The following KLC1 variants were observed in gnomAD, a reference collection of about 807,000 sequenced individuals.
KLC1 encodes the protein kinesin light chain 1.
KLC1 carries 30 observed loss-of-function variants against 84.2 expected under a neutral mutation model. The ratio of observed to expected loss-of-function variants is 0.36; its 90% CI spans 0.27 to 0.48. The LOEUF is 0.48. KLC1 is among the 20% of genes least tolerant of loss of function. The pLI is 0.99. For synonymous variants in KLC1, 289 were observed against 293.3 expected, an observed-to-expected ratio of 0.99 and a Z score of 0.15; for missense variants, 499 against 805.4, an observed-to-expected ratio of 0.62 and a Z score of 4.60.
intron 7 of KLC1, among the ~76,000 whole-genome samples, chr14:103,672,733 C>A (rs1478726337): frequency 6.6e-6 from 1 of 152,172 alleles, no homozygotes; most frequent in Non-Finnish European, 1.5e-5. Context: ...GTACATAGTA[C>A]AACCAATGTA....
chr14:103,681,610 C>T (rs1267902129), intron 13 of KLC1, among the ~76,000 whole-genome samples: 1 of 152,094 alleles, frequency 6.6e-6, no homozygotes, highest in African/African-American at 2.4e-5. Flanking sequence ...AGGTGTGCGC[C>T]ACCACACCTG....
At position 103,696,181 on chromosome 14, in the gene KLC1, G is replaced by A. The variant is rs181792822; in HGVS notation, c.1848+3756G>A. On this transcript the variant is annotated intron_variant, in intron 15 of 16. Coordinates refer to ENST00000334553, the MANE Select transcript of KLC1 (RefSeq NM_001394837.1). ...CATGGGAGCGTCTGGATCTGTGGGC[G>A]GACAGCATATCTCTGGGTAGTTGGT... 339 of 984,158 alleles carry A rather than the reference G, an allele frequency of 3.4e-4. 1 individual carries two copies. In the African/African-American group the frequency reaches 5.5e-3, roughly 16 times the overall value. The allele number at this position is 984,158 out of a possible 1,614,324, so 61.0% of individuals were successfully genotyped here. A position where few individuals can be genotyped will look rare whatever the true frequency, so the allele number is the denominator to read the frequency against.
At chr14:103,676,640 T>A (rs1437536584) in intron 11 of KLC1, among the ~76,000 whole-genome samples, 1 of 152,184 alleles carries the variant, frequency 6.6e-6, no homozygotes, top group Non-Finnish European at 1.5e-5. Context: ...GAACTCTCTC[T>A]AGGGCTCCCA....
rs925850637 is a variant in KLC1, at chr14:103,629,453, G to T, written c.-43G>T. 4 of 152,250 alleles carry T rather than the reference G, an allele frequency of 2.6e-5. No individual in the cohort carries two copies. Among genetic ancestry groups the T allele is most frequent in the African/African-American group, 9.7e-5 (4 of 41,436 alleles). The allele number at this position is 152,250 out of a possible 1,614,324, so 9.4% of individuals were successfully genotyped here. ...GCGCGCGCGCCCGGCGGCGCTCCAG[G>T]TGCTGACAGCGCGAGAGAGCGCGGC... On this transcript the variant is annotated 5_prime_UTR_variant, in exon 1 of 17. Coordinates refer to ENST00000334553, the MANE Select transcript of KLC1 (RefSeq NM_001394837.1).
intron 1 of KLC1, among the ~76,000 whole-genome samples, chr14:103,630,288 T>G (rs1404887568): frequency 6.6e-6 from 1 of 152,262 alleles, no homozygotes; most frequent in Non-Finnish European, 1.5e-5. Context: ...ATGGAGTGGA[T>G]GGTTTTATAA....
chr14:103,638,251 C>T (rs79169799), intron 1 of KLC1, among the ~76,000 whole-genome samples: 16 of 152,298 alleles, frequency 1.1e-4, no homozygotes, highest in East Asian at 1.9e-4. Flanking sequence ...GTGCTACCCT[C>T]GTCTGTATTC....
At chr14:103,640,907 A>C (rs767575815) in intron 1 of KLC1, among the ~76,000 whole-genome samples, 25 of 152,072 alleles carry the variant, frequency 1.6e-4, no homozygotes, top group African/African-American at 5.5e-4. Context: ...CAACATTGGT[A>C]CCTTACTATT....
intron 15 of KLC1, chr14:103,697,069 A>G: frequency 2.0e-6 from 2 of 985,426 alleles, no homozygotes; most frequent in East Asian, 1.1e-4. Context: ...CTCATTTTCT[A>G]ATCGCTGGCA....
chr14:103,699,816 G>GC (rs1197146432), intron 15 of KLC1: 28 of 562,934 alleles, frequency 5.0e-5, no homozygotes, highest in Non-Finnish European at 6.8e-5. Context: ...CCTTCCTCTG[G>GC]CCCCCCCAGG....
chr14:103,654,488 T>A (rs1375258400), intron 1 of KLC1, 76 bp from the exon 2 acceptor site: 11 of 1,245,526 alleles, frequency 8.8e-6, no homozygotes, highest in South Asian at 1.6e-5. Context: ...AATTAAAAAA[T>A]TTTCATATTT....
chr14:103,684,896 T>A, intron 13 of KLC1: 1 of 716,648 alleles, frequency 1.4e-6, no homozygotes, highest in Non-Finnish European at 2.6e-6. Flanking sequence ...TTTAGCATCC[T>A]TTTTCTCAAG....
chr14:103,654,523 T>C, intron 1 of KLC1, 41 bp from the exon 2 acceptor site: 5 of 1,513,976 alleles, frequency 3.3e-6, no homozygotes, highest in Middle Eastern at 2.0e-4. Flanking sequence ...AAATGAAACC[T>C]GTAATGAGGG....
Position 103,699,678 on chromosome 14 carries a change from C to T in KLC1, c.1849-977C>T, listed in dbSNP as rs3212109. On this transcript the variant is annotated intron_variant, in intron 15 of 16. Transcript: ENST00000334553. ...ACTCGACCGTCTGAAAACCTTCCTACCCACCTGGGGCTCACAGTGCCCATA... is the reference window on the plus strand; with the variant it reads ...ACTCGACCGTCTGAAAACCTTCCTATCCACCTGGGGCTCACAGTGCCCATA... The T allele has an allele frequency of 2.2e-3, 2,540 of 1,171,852 alleles. 40 individuals carry two copies. The African/African-American group carries it at 0.033, about 15-fold the overall frequency. The allele number at this position is 1,171,852 out of a possible 1,614,324, so 72.6% of individuals were successfully genotyped here.
intron 15 of KLC1, chr14:103,699,156 C>A: frequency 6.4e-7 from 1 of 1,570,954 alleles, no homozygotes; most frequent in East Asian, 2.3e-5. Flanking sequence ...GTGCTGCGCC[C>A]TGCTCCTCCA....
chr14:103,684,178 A>C (rs556145783), intron 13 of KLC1, among the ~76,000 whole-genome samples: 8 of 152,346 alleles, frequency 5.3e-5, no homozygotes, highest in African/African-American at 1.7e-4. Flanking sequence ...ATCTGTCTCA[A>C]ATTACACTAG....
chr14:103,693,701 G>A lies in KLC1; in HGVS notation c.1848+1276G>A. 2 of 1,503,986 alleles carry A rather than the reference G, an allele frequency of 1.3e-6. No homozygotes were observed. The highest frequency in any genetic ancestry group is 2.2e-5 in the Admixed American group (1 of 46,362). 93.2% of individuals were successfully genotyped at this position (1,503,986 alleles called of 1,614,324 possible). ...GCCCCTCACCGCCCTGCCCGGAGGC[G>A]CCAGCCGCACTCCTTGGCTTCCTTT... On this transcript the variant is annotated intron_variant, in intron 15 of 16. Transcript: ENST00000334553. The surrounding 1 kb of genome is among the most constrained non-coding windows in gnomAD (Gnocchi z 5.1).
At chr14:103,685,216 T>C (rs887499381) in intron 13 of KLC1, 41 of 1,419,332 alleles carry the variant, frequency 2.9e-5, no homozygotes, top group African/African-American at 5.8e-5. Flanking sequence ...TTCCTAAAGT[T>C]TCTGAAATGT....
In KLC1 at chr14:103,693,742, CCA is replaced by C; in HGVS notation, c.1848+1319_1848+1320del. The C allele has an allele frequency of 1.4e-6, 2 of 1,452,398 alleles. No individual in the cohort carries two copies. The highest frequency in any genetic ancestry group is 1.8e-6 in the Non-Finnish European group (2 of 1,106,276). The allele number at this position is 1,452,398 out of a possible 1,614,324, so 90.0% of individuals were successfully genotyped here. ...GGCTTCCTTTCCTAGATAGTGACGT[CCA>C]CCAACCTTGGAGGTGCCTTTTCAAA... On this transcript the variant is annotated intron_variant, in intron 15 of 16. Coordinates refer to ENST00000334553, the MANE Select transcript of KLC1 (RefSeq NM_001394837.1). The surrounding 1 kb of genome is among the most constrained non-coding windows in gnomAD (Gnocchi z 5.1).
intron 13 of KLC1, among the ~76,000 whole-genome samples, chr14:103,680,125 G>T (rs372718263): frequency 1.3e-5 from 2 of 152,308 alleles, no homozygotes; most frequent in South Asian, 4.1e-4. Flanking sequence ...TTGCCAGCCC[G>T]CCATGTGCCT....
Sources: gnomAD v4.1 joint callset for allele counts (sites outside exome capture counted in the v4.1 genomes callset) on GRCh38, gnomAD v4.1.1 for gene constraint, Gnocchi (gnomAD v3.1) non-coding constraint, MANE v1.5 for transcripts, NCBI Gene and HGNC (gene_info 2026-07-23, HGNC 2026-07-21) for gene names.